The following ECT2L variants were observed in gnomAD, a reference collection of about 807,000 sequenced individuals.
ECT2L encodes epithelial cell transforming 2 like.
A neutral mutation model predicts 122.8 loss-of-function variants in ECT2L; 126 were observed. The observed-to-expected ratio is 1.03, with a 90% CI of 0.89 to 1.19. The LOEUF is 1.19. Ranked by LOEUF, ECT2L falls within the 50% of genes most tolerant of loss-of-function variation. The probability of loss-of-function intolerance (pLI) is 0.00; values close to 1 mark genes in which losing one functional copy is unlikely to be tolerated. For synonymous variants in ECT2L, 385 were observed against 381.8 expected (o/e 1.01, Z -0.10); for missense variants, 1,012 against 1,064.1 (o/e 0.95, Z 0.68).
intron 1 of ECT2L, among the ~76,000 whole-genome samples, chr6:138,799,105 A>C (rs1039653682): frequency 1.3e-5 from 2 of 152,218 alleles, no homozygotes; most frequent in Admixed American, 6.5e-5. Flanking sequence ...TCCATTGCTC[A>C]ATTAAACTCC....
At position 138,885,669 on chromosome 6, in the gene ECT2L, T is replaced by C. The variant is rs542149971; in HGVS notation, c.2103-5T>C. ...CCAGAGCTCCCTTCTCTATGCCTCA[T>C]ACAGCCTGCCAGAGCTGCTGCTGTA... On this transcript the variant is annotated splice_region_variant and splice_polypyrimidine_tract_variant and intron_variant, in intron 17 of 21. Transcript: ENST00000541398. The C allele has an allele frequency of 3.7e-6, 6 of 1,613,982 alleles. No homozygotes were observed. In the South Asian group the frequency reaches 4.4e-5, roughly 12 times the overall value.
In ECT2L at chr6:138,853,960, C is replaced by A. The variant is rs1465072416; in HGVS notation, c.1070-66C>A. Reference sequence around the variant, plus strand: ...GATTTTGTGCTTACATTTTCACAAGCTGCTAATAATTTCTGTTCAGTATTA... The same window carrying A: ...GATTTTGTGCTTACATTTTCACAAGATGCTAATAATTTCTGTTCAGTATTA... On this transcript the variant is annotated intron_variant, in intron 9 of 21. Coordinates refer to ENST00000541398, the MANE Select transcript of ECT2L (RefSeq NM_001077706.3). The A allele has an allele frequency of 3.3e-6, 5 of 1,536,808 alleles. No individual in the cohort carries two copies. The Admixed American group carries it at 9.3e-5, about 28-fold the overall frequency.
intron 20 of ECT2L, among the ~76,000 whole-genome samples, chr6:138,899,168 G>A (rs1303418648): frequency 4.0e-5 from 6 of 151,432 alleles, no homozygotes; most frequent in African/African-American, 1.2e-4. Context: ...AAAAAATGAA[G>A]TAAGAGAGAG....
intron 1 of ECT2L, among the ~76,000 whole-genome samples, chr6:138,809,019 G>A (rs965900030): frequency 1.1e-4 from 16 of 152,098 alleles, no homozygotes; most frequent in Non-Finnish European, 4.4e-5. Flanking sequence ...GAGCCACCAT[G>A]CCTGGCCTAT....
intron 1 of ECT2L, among the ~76,000 whole-genome samples, chr6:138,802,579 T>G (rs1311876716): frequency 6.6e-6 from 1 of 152,142 alleles, no homozygotes; most frequent in Non-Finnish European, 1.5e-5. Context: ...AAAAAAGAAA[T>G]AAGTTTAATA....
intron 4 of ECT2L, among the ~76,000 whole-genome samples, chr6:138,827,495 G>C (rs1776490413): frequency 6.6e-6 from 1 of 152,040 alleles, no homozygotes; most frequent in Non-Finnish European, 1.5e-5. Context: ...ATCAGCTCAT[G>C]GTTCACATTA....
At chr6:138,822,714 G>C in intron 4 of ECT2L, 1 of 1,564,402 alleles carries the variant, frequency 6.4e-7, no homozygotes, top group Non-Finnish European at 8.7e-7. Flanking sequence ...CAGAAGACGG[G>C]TGATTTCTGC....
intron 10 of ECT2L, among the ~76,000 whole-genome samples, chr6:138,858,080 C>A (rs1048326376): frequency 1.3e-5 from 2 of 152,150 alleles, no homozygotes; most frequent in African/African-American, 4.8e-5. Flanking sequence ...CACCTGGTCC[C>A]ACCCTTCACA....
At chr6:138,833,898 G>T (rs1776739064) in intron 4 of ECT2L, among the ~76,000 whole-genome samples, 1 of 152,048 alleles carries the variant, frequency 6.6e-6, no homozygotes, top group South Asian at 2.1e-4. Context: ...AAAAGTGTTT[G>T]TAAAGAAGCC....
chr6:138,871,542 A>G (rs998138237), intron 13 of ECT2L, among the ~76,000 whole-genome samples: 72 of 152,294 alleles, frequency 4.7e-4, no homozygotes, highest in Non-Finnish European at 7.1e-4. Context: ...GCAGTGGCTC[A>G]CGTCTGTAAT....
intron 8 of ECT2L, among the ~76,000 whole-genome samples, chr6:138,848,173 C>T (rs1226401470): frequency 6.6e-6 from 1 of 152,184 alleles, no homozygotes; most frequent in Non-Finnish European, 1.5e-5. Flanking sequence ...ATGGGGATTA[C>T]AATTCAAGAT....
At position 138,813,327 on chromosome 6, in the gene ECT2L, C is replaced by T. The variant is rs373540636; in HGVS notation, c.53C>T (p.Ser18Leu). The part of the protein sequence containing the change: ...FSAWTPFSNK[S>L]LNRQLFQERV... ...GCCTGGACACCTTTTAGCAACAAGTCATTAAATAGACAGGTAAGTTACATA... is the reference window on the plus strand; with the variant it reads ...GCCTGGACACCTTTTAGCAACAAGTTATTAAATAGACAGGTAAGTTACATA... The change falls in exon 3 of 22, where the codon TCA becomes TTA. Residue 18 changes from serine to leucine, a missense_variant. By Grantham distance (145) the Ser-to-Leu change is moderately radical (BLOSUM62 -2). Transcript: ENST00000541398. The T allele has an allele frequency of 1.1e-5, 17 of 1,610,634 alleles. No individual in the cohort carries two copies. The African/African-American group carries it at 1.7e-4, about 16-fold the overall frequency.
intron 10 of ECT2L, among the ~76,000 whole-genome samples, chr6:138,857,880 G>A (rs542544511): frequency 6.6e-6 from 1 of 152,274 alleles, no homozygotes; most frequent in African/African-American, 2.4e-5. Flanking sequence ...AAAGGAAACA[G>A]GTTTACTTGA....
At chr6:138,852,253 C>A (rs1483798077) in intron 9 of ECT2L, among the ~76,000 whole-genome samples, 4 of 152,172 alleles carry the variant, frequency 2.6e-5, no homozygotes, top group African/African-American at 9.7e-5. Context: ...CAGAGCAAGA[C>A]CCTGTCTTAA....
chr6:138,862,031 A>G (rs1053968047), intron 10 of ECT2L, among the ~76,000 whole-genome samples: 2 of 152,080 alleles, frequency 1.3e-5, no homozygotes, highest in Non-Finnish European at 2.9e-5. Flanking sequence ...TTCAGCTTCA[A>G]TATTTAGGGG....
chr6:138,871,810 C>T (rs558806872), intron 13 of ECT2L, among the ~76,000 whole-genome samples: 30 of 151,368 alleles, frequency 2.0e-4, no homozygotes, highest in African/African-American at 6.8e-4. Context: ...ATCTCAAAAA[C>T]AAACAAACAA....
chr6:138,838,612 AG>A, intron 5 of ECT2L, 98 bp downstream of exon 5: 4 of 1,227,626 alleles, frequency 3.3e-6, no homozygotes, highest in Non-Finnish European at 4.4e-6. Flanking sequence ...ACAATAGCTG[AG>A]GGTACCTGAT....
intron 20 of ECT2L, among the ~76,000 whole-genome samples, chr6:138,897,971 A>G (rs757626189): frequency 2.0e-5 from 3 of 152,190 alleles, no homozygotes; most frequent in Non-Finnish European, 2.9e-5. Flanking sequence ...ATATTTCCTG[A>G]TAATTCGGAT....
chr6:138,885,893 C>A, intron 18 of ECT2L, 63 bp downstream of exon 18: 1 of 1,500,954 alleles, frequency 6.7e-7, no homozygotes, highest in South Asian at 1.3e-5. Flanking sequence ...GGTACTCCCA[C>A]TCAAAGATCC....
Sources: allele counts gnomAD v4.1 joint callset (sites outside exome capture counted in the v4.1 genomes callset), GRCh38; gene constraint gnomAD v4.1.1; transcripts MANE v1.5; gene names NCBI Gene and HGNC (gene_info 2026-07-23, HGNC 2026-07-21).